Variants in NPPC observed in about 807,000 individuals in gnomAD.
NPPC encodes the protein C-type natriuretic peptide.
NPPC carries 4 observed loss-of-function variants against 10.2 expected under a neutral mutation model. The observed-to-expected ratio is 0.39, with a 90% CI of 0.19 to 0.90. The LOEUF (loss-of-function observed/expected upper bound fraction) is 0.90. Among genes scored for constraint, NPPC ranks in the 40% least tolerant of loss-of-function variants. The probability of loss-of-function intolerance (pLI) is 0.37; values close to 1 mark genes in which losing one functional copy is unlikely to be tolerated. For missense variants in NPPC, 182 were observed against 173.8 expected, an observed-to-expected ratio of 1.05 and a Z score of -0.26; for synonymous variants, 83 against 87.3, an observed-to-expected ratio of 0.95 and a Z score of 0.27.
In NPPC at chr2:231,925,449, G is replaced by C; in HGVS notation, c.357C>G (p.Gly119=). Residue 119 remains glycine, a synonymous_variant, in exon 2 of 3, where the codon GGC becomes GGG. Transcript: ENST00000409852. ...GCFGLKLDRI[G]SMSGLGC ...ACTAACATCCCAGGCCGCTCATGGA[G>C]CCGATTCGGTCCAGCTTGAGGCCGA... 6.2e-7 allele frequency: 1 copy of C among 1,609,272 alleles called. No homozygotes were observed.
In NPPC at chr2:231,925,554, C is replaced by T; in HGVS notation, c.252G>A (p.Ala84=). The change falls in exon 2 of 3, where the codon GCG becomes GCA. Residue 84 remains alanine (A), a synonymous_variant. Transcript: ENST00000409852. ...GGTGCTCTTGCAGAAGGCGAGCCCA[C>T]GCTGCCCGCGACTTGGTGTCCACGC... is the stretch of plus-strand genomic sequence containing the variant. The part of the protein sequence containing the change: ...DLRVDTKSRA[A]WARLLQEHPN... 2 of 1,612,544 alleles carry T rather than the reference C, an allele frequency of 1.2e-6. No homozygotes were observed. Among genetic ancestry groups the T allele is most frequent in the South Asian group, 1.1e-5 (1 of 90,976 alleles).
At chr2:231,922,879 G>A (rs1691948927) in intron 2 of NPPC, among the ~76,000 whole-genome samples, 1 of 152,162 alleles carries the variant, frequency 6.6e-6, no homozygotes, top group Admixed American at 6.5e-5. Context: ...CCTCGGATCG[G>A]GCATCGGCAG....
Position 231,925,662 on chromosome 2 carries a change from G to A in NPPC, c.144C>T (p.Gly48=), listed in dbSNP as rs1478951999. The part of the protein sequence containing the change: ...EELAEPQAAG[G]GQKKGDKAPG... The stretch of plus-strand genomic sequence containing the variant: ...GAGCCTTGTCGCCCTTCTTCTGACC[G>A]CCGCCCGCAGCCTGCGGCTCGGCCA... The change falls in exon 2 of 3, where the codon GGC becomes GGT. Residue 48 remains glycine (G), a synonymous_variant. Transcript: ENST00000409852. The A allele has an allele frequency of 6.2e-7, 1 of 1,600,030 alleles. No individual in the cohort carries two copies. The highest frequency in any genetic ancestry group is 8.5e-7 in the Non-Finnish European group (1 of 1,175,570).
chr2:231,923,284 C>T (rs922792181), intron 2 of NPPC, among the ~76,000 whole-genome samples: 8 of 152,242 alleles, frequency 5.3e-5, no homozygotes, highest in African/African-American at 1.7e-4. Flanking sequence ...TTCACCTACA[C>T]CCAGTCTCTG....
In NPPC at chr2:231,925,690, T is replaced by A; in HGVS notation, c.116A>T (p.Glu39Val). The A allele has an allele frequency of 1.3e-6, 2 of 1,586,564 alleles. No homozygotes were observed. Among genetic ancestry groups the A allele is most frequent in the South Asian group, 2.3e-5 (2 of 88,174 alleles). ...PKVPRTPPAE[E>V]LAEPQAAGGG... ...GCCCGCAGCCTGCGGCTCGGCCAGC[T>A]CCTCTGCCGGCGGGGTTCGCGGGAC... The change falls in exon 2 of 3, where the codon GAG becomes GTG. Residue 39 changes from glutamate to valine, a missense_variant. Physicochemically the swap from Glu to Val is moderately radical, Grantham distance 121. Coordinates refer to ENST00000409852, the MANE Select transcript of NPPC (RefSeq NM_024409.4).
At position 231,926,046 on chromosome 2, in the gene NPPC, T is replaced by C. The variant is rs578222919; in HGVS notation, c.90+114A>G. The C allele has an allele frequency of 1.5e-5, 13 of 871,136 alleles. 1 individual carries two copies. The South Asian group carries it at 3.7e-4, about 25-fold the overall frequency. The allele number at this position is 871,136 out of a possible 1,614,324, so 54.0% of individuals were successfully genotyped here. A position where few individuals can be genotyped will look rare whatever the true frequency, so the allele number is the denominator to read the frequency against. On this transcript the variant is annotated intron_variant, in intron 1 of 2. Transcript: ENST00000409852. ...TCCCCGGCTCTCGCCCACGCGCATC[T>C]CGGAGGAGACAGCCGCCTGCCTTCC...
At chr2:231,926,114 C>T in intron 1 of NPPC, 46 bp downstream of exon 1, 2 of 1,231,142 alleles carry the variant, frequency 1.6e-6, no homozygotes, top group East Asian at 6.3e-5. Context: ...AAGCCCCCAG[C>T]CTCCCACGCC....
Position 231,926,250 on chromosome 2 carries a change from GGT to G in NPPC, c.-3_-2del. On this transcript the variant is annotated 5_prime_UTR_variant, in exon 1 of 3. Coordinates refer to ENST00000409852, the MANE Select transcript of NPPC (RefSeq NM_024409.4). ...AGGCCAGCAGCTGGGAGAGATGCAT[GGT>G]GCCGCTGGGGTCGAGGGGCGCACAC... The G allele has an allele frequency of 7.7e-7, 1 of 1,301,548 alleles. No homozygotes were observed. The highest frequency in any genetic ancestry group is 9.8e-7 in the Non-Finnish European group (1 of 1,022,110). The allele number at this position is 1,301,548 out of a possible 1,614,324, so 80.6% of individuals were successfully genotyped here. A position where few individuals can be genotyped will look rare whatever the true frequency, so the allele number is the denominator to read the frequency against.
At chr2:231,925,789 C>G (rs1691998636) in intron 1 of NPPC, 74 bp from the exon 2 acceptor site, 2 of 1,396,432 alleles carry the variant, frequency 1.4e-6, no homozygotes, top group South Asian at 3.1e-5. Context: ...TCCAGCCCCA[C>G]GCGCCCGCCG....
chr2:231,924,433 C>T (rs1029994473), intron 2 of NPPC, among the ~76,000 whole-genome samples: 1 of 152,200 alleles, frequency 6.6e-6, no homozygotes, highest in Non-Finnish European at 1.5e-5. Context: ...ATGGGACAGT[C>T]AAGGTGTGGG....
At chr2:231,923,036 T>C (rs1172938398) in intron 2 of NPPC, among the ~76,000 whole-genome samples, 1 of 152,218 alleles carries the variant, frequency 6.6e-6, no homozygotes, top group Non-Finnish European at 1.5e-5. Flanking sequence ...TCATGGGCTC[T>C]GAGTGTTGTT....
At chr2:231,923,513 T>TG (rs1169172650) in intron 2 of NPPC, among the ~76,000 whole-genome samples, 1 of 152,216 alleles carries the variant, frequency 6.6e-6, no homozygotes, top group Non-Finnish European at 1.5e-5. Flanking sequence ...TCACTGGGAA[T>TG]GGGGGGCAGT....
At chr2:231,922,558 C>G (rs1048582695) in intron 2 of NPPC, among the ~76,000 whole-genome samples, 1 of 152,222 alleles carries the variant, frequency 6.6e-6, no homozygotes, top group Non-Finnish European at 1.5e-5. Context: ...CTGCAACACT[C>G]CTTCTTCCCC....
At chr2:231,922,921 G>A (rs758660778) in intron 2 of NPPC, among the ~76,000 whole-genome samples, 1 of 152,236 alleles carries the variant, frequency 6.6e-6, no homozygotes, top group Non-Finnish European at 1.5e-5. Flanking sequence ...CCAGTAAACA[G>A]CACCTCCTTC....
intron 2 of NPPC, among the ~76,000 whole-genome samples, chr2:231,925,175 A>T (rs936395903): frequency 1.3e-5 from 2 of 152,224 alleles, no homozygotes; most frequent in Non-Finnish European, 2.9e-5. Flanking sequence ...CTGCTTCTCC[A>T]GAAGAAGCCA....
intron 2 of NPPC, among the ~76,000 whole-genome samples, chr2:231,924,305 T>C (rs13432480): frequency 0.014 from 2,136 of 152,354 alleles, 43 homozygotes; most frequent in South Asian, 0.044. Context: ...TGAAAAAGTG[T>C]TCTGTACTGT....
intron 2 of NPPC, 150 bp downstream of exon 2, chr2:231,925,255 C>T (rs1384820101): frequency 4.6e-6 from 3 of 652,064 alleles, no homozygotes; most frequent in Non-Finnish European, 7.0e-6. Context: ...CCTTCGCTTT[C>T]TTTGTCTGTA....
At chr2:231,923,994 C>CAAG (rs1394026962) in intron 2 of NPPC, among the ~76,000 whole-genome samples, 1 of 152,230 alleles carries the variant, frequency 6.6e-6, no homozygotes, top group East Asian at 1.9e-4. Context: ...GGCTGGTCCC[C>CAAG]AAGTGTCAGA....
chr2:231,925,726 AAAGAGCGGGC>A lies in NPPC; in HGVS notation c.91-21_91-12del. ...CGGGGTTCGCGGGACCTGTCCGAGG[AAAGAGCGGGC>A]AGGTGAAGGGACACGCGGCTGCAGC... On this transcript the variant is annotated splice_polypyrimidine_tract_variant and intron_variant, in intron 1 of 2. Transcript: ENST00000409852. 1 of 1,543,560 alleles carries A rather than the reference AAAGAGCGGGC, an allele frequency of 6.5e-7. No homozygotes were observed. The highest frequency in any genetic ancestry group is 8.7e-7 in the Non-Finnish European group (1 of 1,150,202).
Sources: allele counts gnomAD v4.1 joint callset (sites outside exome capture counted in the v4.1 genomes callset), GRCh38; gene constraint gnomAD v4.1.1; transcripts MANE v1.5; gene names NCBI Gene and HGNC (gene_info 2026-07-23, HGNC 2026-07-21).